MEX3C: variants seen among roughly 807,000 people sequenced by gnomAD.
The protein encoded by MEX3C is RNA-binding E3 ubiquitin-protein ligase MEX3C.
A neutral mutation model predicts 35.5 loss-of-function variants in MEX3C; 15 were observed. The ratio of observed to expected loss-of-function variants is 0.42; its 90% CI spans 0.28 to 0.65. The LOEUF (loss-of-function observed/expected upper bound fraction) is 0.65, where lower values mean the gene tolerates loss of function less well. Among genes scored for constraint, MEX3C ranks in the 30% least tolerant of loss-of-function variants. MEX3C has a pLI of 0.20. For synonymous variants in MEX3C, 390 were observed against 352.8 expected (o/e 1.11, Z -1.18); for missense variants, 711 against 842.8 (o/e 0.84, Z 1.94).
intron 1 of MEX3C, among the ~76,000 whole-genome samples, chr18:51,183,693 G>A (rs1912475455): frequency 6.6e-6 from 1 of 152,166 alleles, no homozygotes; most frequent in Non-Finnish European, 1.5e-5. Context: ...AAAAGCAGAG[G>A]TTTTGGCTGA....
intron 1 of MEX3C, among the ~76,000 whole-genome samples, chr18:51,178,177 G>C (rs928795258): frequency 3.9e-5 from 6 of 152,092 alleles, no homozygotes; most frequent in Non-Finnish European, 7.4e-5. Flanking sequence ...GTAAAGTCCT[G>C]CTCCATTTAA....
In MEX3C at chr18:51,196,880, G is replaced by T. The variant is rs1301240094; in HGVS notation, c.441C>A (p.Pro147=). 3.9e-6 allele frequency: 6 copies of T among 1,540,206 alleles called. No homozygotes were observed. The highest frequency in any genetic ancestry group is 5.2e-6 in the Non-Finnish European group (6 of 1,145,560). ...GCTGGGTCTGAGAGGCGGTGGCCGC[G>T]GGCGGCGACAGCAGCAGCAGCGACG... The part of the protein sequence containing the change: ...DRSSLLLLSP[P]AATASQTQQI... Residue 147 remains proline, a synonymous_variant, in exon 1 of 2, where the codon CCC becomes CCA. Coordinates refer to ENST00000406189, the MANE Select transcript of MEX3C (RefSeq NM_016626.5).
chr18:51,179,411 T>G (rs1912378228), intron 1 of MEX3C, among the ~76,000 whole-genome samples: 1 of 152,168 alleles, frequency 6.6e-6, no homozygotes, highest in Non-Finnish European at 1.5e-5. Context: ...CTACACAGGT[T>G]GAGTTATCCC....
At chr18:51,194,133 G>C (rs1912722102) in intron 1 of MEX3C, 1 of 152,192 alleles carries the variant, frequency 6.6e-6, no homozygotes, top group African/African-American at 2.4e-5. Context: ...AAAAGAATGT[G>C]AACATTAGAA....
intron 1 of MEX3C, among the ~76,000 whole-genome samples, chr18:51,187,229 T>A (rs1912560282): frequency 6.6e-6 from 1 of 152,214 alleles, no homozygotes; most frequent in Admixed American, 6.5e-5. Context: ...CCCTGAGTTA[T>A]CTGAATAACA....
At position 51,175,502 on chromosome 18, in the gene MEX3C, CATAAA is replaced by C. The variant is rs1279505874; in HGVS notation, c.*844_*848del. ...ATGTGCAAGACAAATATGGATTGAA[CATAAA>C]ATGTTTCACATTTTGATCTATAGTC... On this transcript the variant is annotated 3_prime_UTR_variant, in exon 2 of 2. Coordinates refer to ENST00000406189, the MANE Select transcript of MEX3C (RefSeq NM_016626.5). 8 of 152,568 alleles carry C rather than the reference CATAAA, an allele frequency of 5.2e-5. No homozygotes were observed. Among genetic ancestry groups the C allele is most frequent in the Non-Finnish European group, 1.2e-4 (8 of 68,000 alleles). 9.5% of individuals were successfully genotyped at this position (152,568 alleles called of 1,614,324 possible).
chr18:51,182,200 A>T (rs569885852), intron 1 of MEX3C, among the ~76,000 whole-genome samples: 1 of 152,234 alleles, frequency 6.6e-6, no homozygotes, highest in Non-Finnish European at 1.5e-5. Context: ...AGGTATGTAC[A>T]TATAGGAAAA....
Position 51,197,150 on chromosome 18 carries a change from G to C in MEX3C, c.171C>G (p.Leu57=). The C allele has an allele frequency of 1.5e-5, 16 of 1,062,300 alleles. No individual in the cohort carries two copies. The highest frequency in any genetic ancestry group is 1.8e-5 in the Non-Finnish European group (16 of 883,870). 65.8% of individuals were successfully genotyped at this position (1,062,300 alleles called of 1,614,324 possible). A position where few individuals can be genotyped will look rare whatever the true frequency, so the allele number is the denominator to read the frequency against. The change falls in exon 1 of 2, where the codon CTC becomes CTG. Residue 57 remains leucine (L), a synonymous_variant. Transcript: ENST00000406189. ...LLRERLAALG[L]DDPSPAEPGA... ...CGGGCTCCGCCGGGCTGGGGTCGTCGAGGCCTAGCGCGGCCAAGCGCTCCC... is the reference window on the plus strand; with the variant it reads ...CGGGCTCCGCCGGGCTGGGGTCGTCCAGGCCTAGCGCGGCCAAGCGCTCCC...
At chr18:51,184,033 CAGAAG>C (rs1450525658) in intron 1 of MEX3C, among the ~76,000 whole-genome samples, 15 of 151,738 alleles carry the variant, frequency 9.9e-5, no homozygotes, top group Non-Finnish European at 1.9e-4. Context: ...TAGCATGACT[CAGAAG>C]AGAAGTCAGA....
Position 51,196,565 on chromosome 18 carries a change from A to C in MEX3C, c.754+2T>G, listed in dbSNP as rs1912793742. The C allele has an allele frequency of 6.4e-7, 1 of 1,574,182 alleles. No individual in the cohort carries two copies. The highest frequency in any genetic ancestry group is 8.6e-7 in the Non-Finnish European group (1 of 1,168,266). The stretch of plus-strand genomic sequence containing the variant: ...GCTGGACCTCCCCACCCCTGCACTC[A>C]CCCTGGCGGCCGACGATCTCGGCGA... On this transcript the variant is annotated splice_donor_variant, in intron 1 of 1. Coordinates refer to ENST00000406189, the MANE Select transcript of MEX3C (RefSeq NM_016626.5). LOFTEE classifies it high-confidence loss of function.
Position 51,176,384 on chromosome 18 carries a change from T to C in MEX3C, c.1947A>G (p.Thr649=). The change falls in exon 2 of 2, where the codon ACA becomes ACG. Residue 649 remains threonine, a synonymous_variant. Coordinates refer to ENST00000406189, the MANE Select transcript of MEX3C (RefSeq NM_016626.5). ...KRTPSCPVCQ[T]AVTQAIQIHS ...GAATTTGGATTGCCTGAGTAACAGC[T>C]GTCTGGCAAACTGGACATGATGGCG... The C allele has an allele frequency of 6.2e-7, 1 of 1,613,984 alleles. No homozygotes were observed. Among genetic ancestry groups the C allele is most frequent in the Non-Finnish European group, 8.5e-7 (1 of 1,179,866 alleles).
intron 1 of MEX3C, among the ~76,000 whole-genome samples, chr18:51,181,149 T>C (rs1186291692): frequency 6.6e-6 from 1 of 152,140 alleles, no homozygotes; most frequent in African/African-American, 2.4e-5. Context: ...ATTTATAATC[T>C]CAGAGTGAAA....
In MEX3C at chr18:51,197,506, G is replaced by C. The variant is rs1454351239; in HGVS notation, c.-186C>G. Among the ~76,000 whole-genome samples the C allele has an allele frequency of 1.3e-5, 2 of 149,748 alleles. No homozygotes were observed. The highest frequency in any genetic ancestry group is 4.9e-5 in the African/African-American group (2 of 40,846). ...CCCGGAGACCGGAGAGGGCGGGGTGGAGGGGCAGGGGAAGGAGGCAGAGGT... is the reference window on the plus strand; with the variant it reads ...CCCGGAGACCGGAGAGGGCGGGGTGCAGGGGCAGGGGAAGGAGGCAGAGGT... On this transcript the variant is annotated 5_prime_UTR_variant, in exon 1 of 2. Transcript: ENST00000406189.
chr18:51,197,003 C>T lies in MEX3C; in HGVS notation c.318G>A (p.Leu106=). ...CCTCCTCCTCGTCCTCTTCCAGCTC[C>T]AGCTCGGCCGCCTCCGGGGCCCCGG... ...GRPGAPEAAE[L]ELEEDEEEGE... The change falls in exon 1 of 2, where the codon CTG becomes CTA. Residue 106 remains leucine (L), a synonymous_variant. Coordinates refer to ENST00000406189, the MANE Select transcript of MEX3C (RefSeq NM_016626.5). The T allele has an allele frequency of 6.5e-7, 1 of 1,529,538 alleles. No homozygotes were observed. The highest frequency in any genetic ancestry group is 8.8e-7 in the Non-Finnish European group (1 of 1,141,680). The allele number at this position is 1,529,538 out of a possible 1,614,324, so 94.7% of individuals were successfully genotyped here. A position where few individuals can be genotyped will look rare whatever the true frequency, so the allele number is the denominator to read the frequency against.
At chr18:51,185,321 G>C (rs1008287789) in intron 1 of MEX3C, among the ~76,000 whole-genome samples, 2 of 152,094 alleles carry the variant, frequency 1.3e-5, no homozygotes, top group Admixed American at 6.5e-5. Context: ...TCTTCAGAGC[G>C]AGCAATGGAG....
At position 51,197,190 on chromosome 18, in the gene MEX3C, T is replaced by TC; in HGVS notation, c.130dup (p.Asp44GlyfsTer211). 1 of 1,025,822 alleles carries TC rather than the reference T, an allele frequency of 9.7e-7. No individual in the cohort carries two copies. The highest frequency in any genetic ancestry group is 4.4e-5 in the South Asian group (1 of 22,764). The allele number at this position is 1,025,822 out of a possible 1,614,324, so 63.5% of individuals were successfully genotyped here. A position where few individuals can be genotyped will look rare whatever the true frequency, so the allele number is the denominator to read the frequency against. ...CAAGCGCTCCCTCAGCAGGAGCCCGTCCCCCTCGAGCTCCGGGCCGCCCGA... is the reference window on the plus strand; with the variant it reads ...CAAGCGCTCCCTCAGCAGGAGCCCGTCCCCCCTCGAGCTCCGGGCCGCCCGA... On this transcript the variant is annotated frameshift_variant, in exon 1 of 2. Coordinates refer to ENST00000406189, the MANE Select transcript of MEX3C (RefSeq NM_016626.5). LOFTEE classifies it high-confidence loss of function.
In MEX3C at chr18:51,176,939, C is replaced by G. The variant is rs1379863460; in HGVS notation, c.1392G>C (p.Leu464=). Residue 464 remains leucine (L), a synonymous_variant, in exon 2 of 2, where the codon CTG becomes CTC. Coordinates refer to ENST00000406189, the MANE Select transcript of MEX3C (RefSeq NM_016626.5). ...STDSYFGSNR[L]ADFSPTSPFS... ...ATGGGCTTGTTGGACTAAAGTCAGCCAGCCTATTGCTTCCAAAGTAGGAAT... is the reference window on the plus strand; with the variant it reads ...ATGGGCTTGTTGGACTAAAGTCAGCGAGCCTATTGCTTCCAAAGTAGGAAT... The G allele has an allele frequency of 1.2e-6, 2 of 1,614,012 alleles. No homozygotes were observed. Among genetic ancestry groups the G allele is most frequent in the East Asian group, 4.5e-5 (2 of 44,878 alleles).
intron 1 of MEX3C, among the ~76,000 whole-genome samples, chr18:51,178,809 G>A (rs1450527728): frequency 1.3e-5 from 2 of 149,838 alleles, no homozygotes; most frequent in South Asian, 2.1e-4. Flanking sequence ...GCAGTGAGCC[G>A]AGATTGTCCC....
rs1912312330 is a variant in MEX3C at position 51,176,690 on chromosome 18, T to C, written c.1641A>G (p.Thr547=). The change falls in exon 2 of 2, where the codon ACA becomes ACG. Residue 547 remains threonine, a synonymous_variant. Coordinates refer to ENST00000406189, the MANE Select transcript of MEX3C (RefSeq NM_016626.5). The part of the protein sequence containing the change: ...SQPSTPRLSP[T]FPESIEHPLA... ...GTGGATGTTCTATGCTCTCAGGAAATGTAGGAGACAGACGAGGAGTAGATG... is the reference window on the plus strand; with the variant it reads ...GTGGATGTTCTATGCTCTCAGGAAACGTAGGAGACAGACGAGGAGTAGATG... The C allele has an allele frequency of 6.2e-7, 1 of 1,613,842 alleles. No homozygotes were observed. The highest frequency in any genetic ancestry group is 8.5e-7 in the Non-Finnish European group (1 of 1,179,894).
Sources: gnomAD v4.1 joint callset for allele counts (sites outside exome capture counted in the v4.1 genomes callset) on GRCh38, gnomAD v4.1.1 for gene constraint, MANE v1.5 for transcripts, NCBI Gene and HGNC (gene_info 2026-07-23, HGNC 2026-07-21) for gene names.